Variants in TENM1 observed in about 807,000 individuals in gnomAD.
TENM1 encodes teneurin transmembrane protein 1.
Under a neutral mutation model 174.8 loss-of-function variants are expected in TENM1, and 35 were observed. The ratio of observed to expected loss-of-function variants is 0.20; its 90% confidence interval spans 0.15 to 0.27. The LOEUF is 0.27. Ranked by LOEUF, TENM1 falls within the 10% of genes least tolerant of loss-of-function variation. TENM1 has a pLI of 1.00. For synonymous variants in TENM1, 781 were observed against 798.7 expected, an observed-to-expected ratio of 0.98 and a Z score of 0.37; for missense variants, 1,633 against 2,130.1, an observed-to-expected ratio of 0.77 and a Z score of 4.59.
intron 3 of TENM1, among the ~76,000 whole-genome samples, chrX:124,790,921 T>A (rs918580989): frequency 9.0e-6 from 1 of 111,352 alleles, no homozygotes; most frequent in Non-Finnish European, 1.9e-5. Flanking sequence ...AATGAATGGG[T>A]TAGCATTTTA....
At position 124,520,404 on chromosome X, in the gene TENM1, T is replaced by G. The variant is rs976653636; in HGVS notation, c.3301+113A>C. Reference sequence around the variant, plus strand: ...GTGTTTAAATTAAAAATGCCTTAGGTCCTTTAAACAGAAGAAAATCAGTAA... The same window carrying G: ...GTGTTTAAATTAAAAATGCCTTAGGGCCTTTAAACAGAAGAAAATCAGTAA... On this transcript the variant is annotated intron_variant, in intron 18 of 31. Coordinates refer to ENST00000422452, the Ensembl canonical transcript of TENM1. The G allele has an allele frequency of 2.3e-5, 18 of 787,498 alleles. No individual in the cohort carries two copies. In the African/African-American group the frequency reaches 3.1e-4, roughly 14 times the overall value. The allele number at this position is 787,498 out of a possible 1,213,427, so 64.9% of individuals were successfully genotyped here.
intron 1 of TENM1, among the ~76,000 whole-genome samples, chrX:124,915,870 G>GATTT (rs957622520): frequency 1.8e-5 from 2 of 112,304 alleles, no homozygotes; most frequent in African/African-American, 6.5e-5. Context: ...AGCATCTCAG[G>GATTT]ATTTATTCTA....
At chrX:124,671,662 C>T in intron 6 of TENM1, 21 bp downstream of exon 9, 1 of 1,192,092 alleles carries the variant, frequency 8.4e-7, no homozygotes, top group Non-Finnish European at 1.1e-6. Flanking sequence ...AATCAACAAT[C>T]AATCATTTTG....
chrX:125,118,357 C>T, the TENM1 span, among the ~76,000 whole-genome samples: 1 of 110,588 alleles, frequency 9.0e-6, no homozygotes, highest in Non-Finnish European at 1.9e-5. Context: ...TGCACTTGTG[C>T]CCCTAAATAT....
At chrX:124,801,911 GC>G (rs759292102) in intron 3 of TENM1, among the ~76,000 whole-genome samples, 2 of 111,358 alleles carry the variant, frequency 1.8e-5, no homozygotes, top group South Asian at 3.8e-4. Flanking sequence ...CTGCATATTG[GC>G]CCCCACTCTC....
chrX:124,905,931 T>C (rs1380530875), intron 1 of TENM1, among the ~76,000 whole-genome samples: 2 of 112,009 alleles, frequency 1.8e-5, no homozygotes, highest in Admixed American at 9.5e-5. Context: ...GTTTCCAACA[T>C]CCACAGTGGA....
chrX:125,090,121 T>G, the TENM1 span, among the ~76,000 whole-genome samples: 1 of 111,904 alleles, frequency 8.9e-6, no homozygotes, highest in African/African-American at 3.3e-5. Context: ...TGTAATGTTG[T>G]TTATTCTTTC....
At chrX:124,631,973 C>T (rs1187441349) in intron 11 of TENM1, among the ~76,000 whole-genome samples, 2 of 95,174 alleles carry the variant, frequency 2.1e-5, no homozygotes, top group Non-Finnish European at 4.1e-5. Context: ...AGTACAGTGG[C>T]GCAATCTCGG....
intron 22 of TENM1, among the ~76,000 whole-genome samples, chrX:124,479,201 C>T (rs1449920272): frequency 8.9e-6 from 1 of 112,364 alleles, no homozygotes. Context: ...GATGTGGTGG[C>T]TACCTAGTGT....
At chrX:125,051,085 C>T in the TENM1 span, among the ~76,000 whole-genome samples, 1 of 111,327 alleles carries the variant, frequency 9.0e-6, no homozygotes, top group African/African-American at 3.3e-5. Flanking sequence ...GAGTGAACTC[C>T]CATTCACAAT....
chrX:124,750,713 G>A (rs2054042497), intron 3 of TENM1, among the ~76,000 whole-genome samples: 1 of 111,955 alleles, frequency 8.9e-6, no homozygotes, highest in Admixed American at 9.5e-5. Context: ...GAGTCTGAGA[G>A]ATGTGGAGAA....
At chrX:124,453,596 A>T (rs996680583) in intron 22 of TENM1, 105 bp from the exon 26 acceptor site, 3 of 759,657 alleles carry the variant, frequency 3.9e-6, no homozygotes, top group South Asian at 3.1e-5. Flanking sequence ...TTTTAAAGAC[A>T]TATAGATTCA....
At chrX:124,967,958 C>T (rs1238641459), upstream of TENM1, among the ~76,000 whole-genome samples, 2 of 111,703 alleles carry the variant, frequency 1.8e-5, no homozygotes, top group African/African-American at 6.5e-5. Flanking sequence ...ATACTGGAAA[C>T]AACAAGGGAA....
intron 23 of TENM1, among the ~76,000 whole-genome samples, chrX:124,435,548 G>C (rs573609733): frequency 1.8e-5 from 2 of 111,848 alleles, no homozygotes; most frequent in African/African-American, 6.5e-5. Flanking sequence ...GAATGGGAAG[G>C]TAAACATCAC....
intron 3 of TENM1, among the ~76,000 whole-genome samples, chrX:124,813,500 A>G (rs950478467): frequency 8.9e-6 from 1 of 111,892 alleles, no homozygotes; most frequent in African/African-American, 3.2e-5. Context: ...TAAATATATT[A>G]ACTACAGTAT....
At chrX:125,138,903 G>A in the TENM1 span, among the ~76,000 whole-genome samples, 108 of 110,889 alleles carry the variant, frequency 9.7e-4, no homozygotes, top group African/African-American at 3.2e-3. Flanking sequence ...CCTTTCTCCA[G>A]GGATGACTGG....
chrX:124,756,739 G>C lies in TENM1; in HGVS notation c.536-19542C>G, dbSNP rs56887111. ...GACCCTCAGCTGCAGGTCTGTTGGA[G>C]TTTGCTAGAGGTCCACTCCAGACCC... On this transcript the variant is annotated intron_variant, in intron 3 of 31. Transcript: ENST00000422452. 2.6e-3 allele frequency among the ~76,000 whole-genome samples: 292 copies of C among 112,041 alleles called. 1 individual carries two copies. The highest frequency in any genetic ancestry group is 8.9e-3 in the African/African-American group (275 of 30,863).
At chrX:124,990,296 C>T in the TENM1 span, among the ~76,000 whole-genome samples, 6 of 111,740 alleles carry the variant, frequency 5.4e-5, no homozygotes, top group Admixed American at 9.5e-5. Flanking sequence ...CATAATAATA[C>T]ATTTTGGACA....
the TENM1 span, among the ~76,000 whole-genome samples, chrX:125,056,953 T>C: frequency 1.3e-4 from 14 of 111,034 alleles, no homozygotes; most frequent in Non-Finnish European, 2.6e-4. Context: ...CTCTGGTTTT[T>C]CCCCAAAATC....
Sources: gnomAD v4.1 joint callset for allele counts (sites outside exome capture counted in the v4.1 genomes callset) on GRCh38, gnomAD v4.1.1 for gene constraint, MANE v1.5 for transcripts, NCBI Gene and HGNC (gene_info 2026-07-23, HGNC 2026-07-21) for gene names.